The following PPARD variants were observed in gnomAD, a reference collection of about 807,000 sequenced individuals.
The protein encoded by PPARD is peroxisome proliferator activated receptor delta, also known as peroxisome proliferator-activated receptor delta.
PPARD carries 6 observed loss-of-function variants against 39.5 expected under a neutral mutation model. That is an observed-to-expected ratio of 0.15 (90% CI 0.08 to 0.30). PPARD has a LOEUF of 0.30. Among genes scored for constraint, PPARD ranks in the 10% least tolerant of loss-of-function variants. The probability of loss-of-function intolerance (pLI) is 1.00; values close to 1 mark genes in which losing one functional copy is unlikely to be tolerated. For synonymous variants in PPARD, 210 were observed against 231.3 expected, an observed-to-expected ratio of 0.91 and a Z score of 0.83; for missense variants, 397 against 596.8, an observed-to-expected ratio of 0.67 and a Z score of 3.49.
In PPARD at chr6:35,425,737, G is replaced by T; in HGVS notation, c.1079-95G>T. 1 of 1,532,086 alleles carries T rather than the reference G, an allele frequency of 6.5e-7. No homozygotes were observed. The highest frequency in any genetic ancestry group is 1.2e-5 in the South Asian group (1 of 81,424). The allele number at this position is 1,532,086 out of a possible 1,614,324, so 94.9% of individuals were successfully genotyped here. A position where few individuals can be genotyped will look rare whatever the true frequency, so the allele number is the denominator to read the frequency against. On this transcript the variant is annotated intron_variant, in intron 7 of 7. Transcript: ENST00000360694. This position sits in a 1 kb window ranked among gnomAD's most constrained non-coding sequence, Gnocchi z 4.5. ...GGCTTGGTCTGTCACGGCCAAGGAG[G>T]CCTGCCGTCCCCTGGGCCAAGTCAC...
At chr6:35,416,188 C>T (rs562953275) in intron 3 of PPARD, among the ~76,000 whole-genome samples, 1 of 151,800 alleles carries the variant, frequency 6.6e-6, no homozygotes, top group Non-Finnish European at 1.5e-5. Context: ...TCAAGACCAG[C>T]CCAGCCAACA....
chr6:35,351,056 C>T (rs1761218532), intron 2 of PPARD, among the ~76,000 whole-genome samples: 1 of 151,136 alleles, frequency 6.6e-6, no homozygotes, highest in Non-Finnish European at 1.5e-5. Context: ...GACGGAGTCT[C>T]TCTCTGTCAC....
intron 2 of PPARD, among the ~76,000 whole-genome samples, chr6:35,383,658 G>A (rs1430471099): frequency 8.0e-5 from 11 of 137,212 alleles, no homozygotes; most frequent in Admixed American, 4.1e-4. Flanking sequence ...CGTCTGAGAT[G>A]TGGGGAGCGC....
intron 2 of PPARD, among the ~76,000 whole-genome samples, chr6:35,367,627 G>A (rs1197829105): frequency 6.6e-6 from 1 of 152,240 alleles, no homozygotes; most frequent in Non-Finnish European, 1.5e-5. Flanking sequence ...TCTCTTGATT[G>A]TGTGAATTGG....
chr6:35,422,665 G>A (rs1394054203), intron 5 of PPARD, among the ~76,000 whole-genome samples: 1 of 152,162 alleles, frequency 6.6e-6, no homozygotes, highest in East Asian at 1.9e-4. Flanking sequence ...GCATCTTAGA[G>A]GGTAGCAGTA....
At chr6:35,408,276 G>T (rs1402235733) in intron 2 of PPARD, among the ~76,000 whole-genome samples, 2 of 152,150 alleles carry the variant, frequency 1.3e-5, no homozygotes, top group Non-Finnish European at 2.9e-5. Context: ...ACATATTGCT[G>T]GTCAGAATTA....
chr6:35,389,761 TA>T (rs9658104), intron 2 of PPARD, among the ~76,000 whole-genome samples: 77 of 152,202 alleles, frequency 5.1e-4, no homozygotes, highest in African/African-American at 1.8e-3. Flanking sequence ...TTCCCCAAAA[TA>T]AAGAAGTAAA....
chr6:35,356,921 G>A (rs1384321164), intron 2 of PPARD, among the ~76,000 whole-genome samples: 1 of 152,224 alleles, frequency 6.6e-6, no homozygotes, highest in Admixed American at 6.5e-5. Flanking sequence ...GGGCTTTGGG[G>A]AGGAGTGATG....
At chr6:35,392,062 T>C (rs1222733083) in intron 2 of PPARD, among the ~76,000 whole-genome samples, 3 of 151,924 alleles carry the variant, frequency 2.0e-5, no homozygotes, top group Non-Finnish European at 4.4e-5. Flanking sequence ...GAGAGGTGCC[T>C]TCCTTCATCC....
chr6:35,360,012 G>A (rs562890396), intron 2 of PPARD, among the ~76,000 whole-genome samples: 1 of 152,260 alleles, frequency 6.6e-6, no homozygotes, highest in South Asian at 2.1e-4. Context: ...TGGCCAGACT[G>A]CTGTTGGCTT....
intron 2 of PPARD, among the ~76,000 whole-genome samples, chr6:35,372,187 T>C (rs1414069699): frequency 6.6e-6 from 1 of 152,216 alleles, no homozygotes; most frequent in African/African-American, 2.4e-5. Context: ...TTATTTATTT[T>C]TATTTTTTGA....
rs531838122 is a variant in PPARD, at chr6:35,377,771, C to G, written c.-102+30621C>G. ...GCTGGAATTGCCTGTCTCCCCTCCT[C>G]TCCTTGATCCCTCCCAGGAGAGCAG... On this transcript the variant is annotated intron_variant, in intron 2 of 7. Transcript: ENST00000360694. Among the ~76,000 whole-genome samples, 85 of 152,206 alleles carry G rather than the reference C, an allele frequency of 5.6e-4. 1 individual carries two copies. Among genetic ancestry groups the G allele is most frequent in the African/African-American group, 1.7e-3 (69 of 41,512 alleles).
At chr6:35,396,165 T>C (rs561939840) in intron 2 of PPARD, among the ~76,000 whole-genome samples, 1 of 152,178 alleles carries the variant, frequency 6.6e-6, no homozygotes, top group African/African-American at 2.4e-5. Context: ...CCTCAATCTT[T>C]ATTTTCTTCT....
In PPARD at chr6:35,420,292, G is replaced by A. The variant is rs34551629; in HGVS notation, c.285+11G>A. On this transcript the variant is annotated intron_variant, in intron 4 of 7. Transcript: ENST00000360694. The stretch of plus-strand genomic sequence containing the variant: ...TGTGAGGGGTGCAAGGTACGGACTG[G>A]GGGGAGCGGTGGCTGGCCACTGAGG... 3 of 1,531,946 alleles carry A rather than the reference G, an allele frequency of 2.0e-6. No homozygotes were observed. The highest frequency in any genetic ancestry group is 1.4e-5 in the African/African-American group (1 of 71,576). 94.9% of individuals were successfully genotyped at this position (1,531,946 alleles called of 1,614,324 possible).
At chr6:35,404,465 CAGATGGAGCCCATGGA>C (rs1423847295) in intron 2 of PPARD, among the ~76,000 whole-genome samples, 1 of 152,160 alleles carries the variant, frequency 6.6e-6, no homozygotes. Context: ...TACCATGTGG[CAGATGGAGCCCATGGA>C]GGATGGAGGC....
intron 3 of PPARD, among the ~76,000 whole-genome samples, chr6:35,413,487 C>G (rs1005081499): frequency 6.6e-6 from 1 of 152,136 alleles, no homozygotes; most frequent in Non-Finnish European, 1.5e-5. Context: ...AGCAACCTAG[C>G]AGGAAAATCA....
Position 35,425,744 on chromosome 6 carries a change from G to T in PPARD, c.1079-88G>T. On this transcript the variant is annotated intron_variant, in intron 7 of 7. Coordinates refer to ENST00000360694, the MANE Select transcript of PPARD (RefSeq NM_006238.5). The surrounding 1 kb of genome is among the most constrained non-coding windows in gnomAD (Gnocchi z 4.5). ...TCTGTCACGGCCAAGGAGGCCTGCC[G>T]TCCCCTGGGCCAAGTCACCTCTTGG... 1.1e-5 allele frequency: 17 copies of T among 1,553,078 alleles called. No homozygotes were observed. The highest frequency in any genetic ancestry group is 2.2e-4 in the Middle Eastern group (1 of 4,646).
chr6:35,381,255 TA>T (rs1298632098), intron 2 of PPARD, among the ~76,000 whole-genome samples: 1 of 152,172 alleles, frequency 6.6e-6, no homozygotes, highest in Non-Finnish European at 1.5e-5. Flanking sequence ...ATTTGTAACG[TA>T]ATGACAAATT....
intron 2 of PPARD, among the ~76,000 whole-genome samples, chr6:35,388,654 G>A (rs1458323737): frequency 6.6e-6 from 1 of 152,158 alleles, no homozygotes; most frequent in Non-Finnish European, 1.5e-5. Context: ...GGAGGTTGCA[G>A]TGAGCCGAGA....
Sources: gnomAD v4.1 joint callset for allele counts (sites outside exome capture counted in the v4.1 genomes callset) on GRCh38, gnomAD v4.1.1 for gene constraint, Gnocchi (gnomAD v3.1) non-coding constraint, MANE v1.5 for transcripts, NCBI Gene and HGNC (gene_info 2026-07-23, HGNC 2026-07-21) for gene names.